The following MAGI2 variants were observed in gnomAD, a reference collection of about 807,000 sequenced individuals.
MAGI2 encodes the protein membrane associated guanylate kinase, WW and PDZ domain containing 2, also known as membrane-associated guanylate kinase, WW and PDZ domain-containing protein 2.
In MAGI2, 35 loss-of-function variants were observed where a neutral mutation model predicts 133.3. The ratio of observed to expected loss-of-function variants is 0.26; its 90% CI spans 0.20 to 0.35. MAGI2 has a LOEUF of 0.35. Ranked by LOEUF, MAGI2 falls within the 10% of genes least tolerant of loss-of-function variation. The probability of loss-of-function intolerance (pLI) is 1.00; values close to 1 mark genes in which losing one functional copy is unlikely to be tolerated. For missense variants in MAGI2, 1,636 were observed against 1,863.4 expected (o/e 0.88, Z 2.25); for synonymous variants, 729 against 710.6 (o/e 1.03, Z -0.41).
At chr7:78,309,776 C>T (rs547707225) in intron 9 of MAGI2, among the ~76,000 whole-genome samples, 18 of 152,262 alleles carry the variant, frequency 1.2e-4, no homozygotes, top group Admixed American at 8.5e-4. Flanking sequence ...TCTGGCTTTC[C>T]GGCTTCCTGG....
At chr7:79,343,062 C>A (rs1279212752) in intron 1 of MAGI2, among the ~76,000 whole-genome samples, 1 of 152,028 alleles carries the variant, frequency 6.6e-6, no homozygotes, top group East Asian at 1.9e-4. Context: ...TCATGCCCGG[C>A]CTGAGGAAGC....
At chr7:78,854,550 T>A (rs1235162045) in intron 2 of MAGI2, among the ~76,000 whole-genome samples, 1 of 152,162 alleles carries the variant, frequency 6.6e-6, no homozygotes, top group Non-Finnish European at 1.5e-5. Flanking sequence ...GAGTGTTGAA[T>A]GTAACAACAG....
intron 20 of MAGI2, among the ~76,000 whole-genome samples, chr7:78,109,153 T>A (rs1819041355): frequency 1.4e-5 from 2 of 145,182 alleles, no homozygotes; most frequent in Admixed American, 6.9e-5. Flanking sequence ...AAATACAAAA[T>A]ATTAGCTGGG....
chr7:78,577,085 G>A (rs556082875), intron 3 of MAGI2, among the ~76,000 whole-genome samples: 4 of 152,184 alleles, frequency 2.6e-5, no homozygotes, highest in African/African-American at 9.6e-5. Context: ...ACTTAACACC[G>A]TGCTTTCTAC....
At chr7:78,681,282 G>A (rs1439369104) in intron 2 of MAGI2, among the ~76,000 whole-genome samples, 1 of 152,000 alleles carries the variant, frequency 6.6e-6, no homozygotes, top group African/African-American at 2.4e-5. Flanking sequence ...GTTTGTATAT[G>A]CGGAAGGGAA....
chr7:79,279,354 T>C (rs990795080), intron 1 of MAGI2, among the ~76,000 whole-genome samples: 1 of 152,136 alleles, frequency 6.6e-6, no homozygotes, highest in Non-Finnish European at 1.5e-5. Context: ...CTGATTTTTA[T>C]CCATCACCCA....
At chr7:79,423,403 G>A (rs955667904) in intron 1 of MAGI2, among the ~76,000 whole-genome samples, 2 of 151,930 alleles carry the variant, frequency 1.3e-5, no homozygotes, top group African/African-American at 4.8e-5. Flanking sequence ...AATATTAATT[G>A]TGATGAAATA....
At chr7:79,214,338 C>T (rs1829769383) in intron 1 of MAGI2, among the ~76,000 whole-genome samples, 2 of 131,272 alleles carry the variant, frequency 1.5e-5, no homozygotes, top group Admixed American at 1.7e-4. Flanking sequence ...ATGCCCAGGA[C>T]ATGTCATTTC....
intron 16 of MAGI2, among the ~76,000 whole-genome samples, chr7:78,157,974 T>C (rs1417281176): frequency 6.6e-6 from 1 of 152,252 alleles, no homozygotes; most frequent in Admixed American, 6.5e-5. Context: ...CTCCTGAATT[T>C]ATCAAGGCTT....
chr7:79,237,131 A>G (rs1585288500), intron 1 of MAGI2, among the ~76,000 whole-genome samples: 2 of 152,198 alleles, frequency 1.3e-5, no homozygotes, highest in South Asian at 4.1e-4. Flanking sequence ...CAGACTTGCT[A>G]CTACTAATAA....
rs1235156875 is a variant in MAGI2, at chr7:78,018,677, C to A, written c.*638G>T. The A allele has an allele frequency of 6.5e-6, 1 of 153,260 alleles. No homozygotes were observed. The highest frequency in any genetic ancestry group is 2.1e-4 in the South Asian group (1 of 4,832). 9.5% of individuals were successfully genotyped at this position (153,260 alleles called of 1,614,324 possible). A position where few individuals can be genotyped will look rare whatever the true frequency, so the allele number is the denominator to read the frequency against. ...AAATGGCATCACACCAAGAAACTCACTAGATTTCTAAGTCATCCTGCAGGA... is the reference window on the plus strand; with the variant it reads ...AAATGGCATCACACCAAGAAACTCAATAGATTTCTAAGTCATCCTGCAGGA... On this transcript the variant is annotated 3_prime_UTR_variant, in exon 22 of 22. Transcript: ENST00000354212.
chr7:79,125,522 G>C (rs945633885), intron 1 of MAGI2: 3 of 514,154 alleles, frequency 5.8e-6, no homozygotes, highest in African/African-American at 5.8e-5. Flanking sequence ...CAGGGTTATA[G>C]AAACCAGGGC....
At position 78,175,326 on chromosome 7, in the gene MAGI2, G is replaced by T. The variant is rs75243096; in HGVS notation, c.2403+2685C>A. On this transcript the variant is annotated intron_variant, in intron 14 of 21. Transcript: ENST00000354212. ...CCCTAGAAACAGGATGTCCTTCAGT[G>T]CTTGAGTCCAGTGTGACATACTTCT... Among the ~76,000 whole-genome samples the T allele has an allele frequency of 7.7e-3, 1,165 of 152,270 alleles. 15 individuals carry two copies. The highest frequency in any genetic ancestry group is 0.026 in the African/African-American group (1,095 of 41,552).
chr7:78,070,278 G>T (rs1055239181), intron 21 of MAGI2, among the ~76,000 whole-genome samples: 1 of 144,276 alleles, frequency 6.9e-6, no homozygotes, highest in African/African-American at 2.6e-5. Context: ...TTTCTATTAC[G>T]CAGTGGAAGG....
chr7:78,601,045 A>G (rs1302701557), intron 3 of MAGI2, among the ~76,000 whole-genome samples: 1 of 152,226 alleles, frequency 6.6e-6, no homozygotes, highest in Admixed American at 6.5e-5. Flanking sequence ...AAATACATTT[A>G]TCTGACAATA....
chr7:78,831,497 C>T (rs1791147436), intron 2 of MAGI2, among the ~76,000 whole-genome samples: 2 of 151,980 alleles, frequency 1.3e-5, no homozygotes, highest in Admixed American at 6.6e-5. Context: ...AGCAATCTGC[C>T]CACCTTGTCC....
chr7:79,240,358 GAA>G (rs762841388), intron 1 of MAGI2, among the ~76,000 whole-genome samples: 24 of 88,364 alleles, frequency 2.7e-4, no homozygotes, highest in African/African-American at 5.4e-4. Flanking sequence ...TTATCAGAAT[GAA>G]AAAAAAAAAA....
chr7:79,185,039 C>T (rs563036329), intron 1 of MAGI2, among the ~76,000 whole-genome samples: 65 of 151,846 alleles, frequency 4.3e-4, no homozygotes, highest in African/African-American at 1.4e-3. Context: ...CATAGAAGAG[C>T]TCAACACAGC....
intron 1 of MAGI2, 118 bp downstream of exon 1, chr7:79,452,902 C>A: frequency 8.7e-7 from 1 of 1,145,488 alleles, no homozygotes; most frequent in East Asian, 2.5e-5. Context: ...TGCTCTCTGG[C>A]CCCCACCCCA....
Sources: allele counts gnomAD v4.1 joint callset (sites outside exome capture counted in the v4.1 genomes callset), GRCh38; gene constraint gnomAD v4.1.1; transcripts MANE v1.5; gene names NCBI Gene and HGNC (gene_info 2026-07-23, HGNC 2026-07-21).